CTNNA3: variants seen among roughly 807,000 people sequenced by gnomAD.
The protein encoded by CTNNA3 is catenin alpha-3.
Under a neutral mutation model 95.7 loss-of-function variants are expected in CTNNA3, and 76 were observed. The observed-to-expected ratio is 0.79, with a 90% CI of 0.66 to 0.96. The LOEUF (loss-of-function observed/expected upper bound fraction) is 0.96. CTNNA3 is among the 40% of genes least tolerant of loss of function. The pLI is 0.00. For missense variants in CTNNA3, 1,191 were observed against 1,089.8 expected (o/e 1.09, Z -1.31); for synonymous variants, 431 against 374.4 (o/e 1.15, Z -1.74).
At chr10:67,375,904 T>C (rs1292053417) in intron 5 of CTNNA3, among the ~76,000 whole-genome samples, 1 of 152,094 alleles carries the variant, frequency 6.6e-6, no homozygotes, top group Non-Finnish European at 1.5e-5. Context: ...GTGGGACCTT[T>C]TGGGAGGTGA....
chr10:67,589,113 A>C (rs1047772489), intron 3 of CTNNA3, among the ~76,000 whole-genome samples: 9 of 152,144 alleles, frequency 5.9e-5, no homozygotes, highest in Non-Finnish European at 2.9e-5. Flanking sequence ...TATACAGATA[A>C]TACTTATCTG....
At chr10:66,228,502 T>G (rs2089433497) in intron 13 of CTNNA3, among the ~76,000 whole-genome samples, 1 of 152,094 alleles carries the variant, frequency 6.6e-6, no homozygotes, top group African/African-American at 2.4e-5. Flanking sequence ...ATTTCTATGT[T>G]TATTTCATTG....
intron 5 of CTNNA3, among the ~76,000 whole-genome samples, chr10:67,428,818 T>A (rs919459303): frequency 6.6e-6 from 1 of 151,968 alleles, no homozygotes; most frequent in South Asian, 2.1e-4. Flanking sequence ...CCAGCCTACA[T>A]ATTTCTCCCT....
intron 5 of CTNNA3, among the ~76,000 whole-genome samples, chr10:67,392,449 C>A (rs2132774873): frequency 6.6e-6 from 1 of 152,332 alleles, no homozygotes; most frequent in East Asian, 1.9e-4. Context: ...CACTTTTACA[C>A]TGTTGGTGGG....
rs529677700 is a variant in CTNNA3, at chr10:66,407,199, C to T, written c.1532-27847G>A. ...CTTGTAGGGAATTTAAACAACTGTGCTTAAAAGAAAAAAAAAAAAACAGGA... is the reference window on the plus strand; with the variant it reads ...CTTGTAGGGAATTTAAACAACTGTGTTTAAAAGAAAAAAAAAAAAACAGGA... On this transcript the variant is annotated intron_variant, in intron 11 of 17. Transcript: ENST00000433211. 2.4e-5 allele frequency among the ~76,000 whole-genome samples: 3 copies of T among 126,494 alleles called. No homozygotes were observed. In the South Asian group the frequency reaches 8.0e-4, roughly 34 times the overall value. 83.0% of individuals were successfully genotyped at this position (126,494 alleles called of 152,430 possible).
chr10:66,855,707 A>G (rs551742766), intron 7 of CTNNA3, among the ~76,000 whole-genome samples: 2 of 152,150 alleles, frequency 1.3e-5, no homozygotes, highest in Non-Finnish European at 2.9e-5. Flanking sequence ...TAAAATATTT[A>G]TATTTTGATC....
At position 67,340,668 on chromosome 10, in the gene CTNNA3, G is replaced by A. The variant is rs145224347; in HGVS notation, c.580-120798C>T. On this transcript the variant is annotated intron_variant, in intron 5 of 17. Transcript: ENST00000433211. Reference sequence around the variant, plus strand: ...TCTTCCTTTTAACTATGGCACAACCGTTCAGATTCACCTGCTACTGCTGTT... The same window carrying A: ...TCTTCCTTTTAACTATGGCACAACCATTCAGATTCACCTGCTACTGCTGTT... Among the ~76,000 whole-genome samples, 242 of 152,246 alleles carry A rather than the reference G, an allele frequency of 1.6e-3. 1 individual carries two copies. Among genetic ancestry groups the A allele is most frequent in the African/African-American group, 5.0e-3 (209 of 41,530 alleles).
Position 66,833,878 on chromosome 10 carries a change from C to A in CTNNA3, c.1048-58354G>T, listed in dbSNP as rs150894053. On this transcript the variant is annotated intron_variant, in intron 7 of 17. Coordinates refer to ENST00000433211, the MANE Select transcript of CTNNA3 (RefSeq NM_013266.4). ...TATTGTAAACACACACACACACCAG[C>A]TTGCTATTTTTCTATTTTGAATACC... Among the ~76,000 whole-genome samples the A allele has an allele frequency of 4.7e-3, 711 of 152,302 alleles. 6 individuals carry two copies. Among genetic ancestry groups the A allele is most frequent in the African/African-American group, 0.016 (670 of 41,562 alleles).
intron 2 of CTNNA3, among the ~76,000 whole-genome samples, chr10:67,626,007 T>C (rs577172569): frequency 6.6e-6 from 1 of 152,044 alleles, no homozygotes; most frequent in Non-Finnish European, 1.5e-5. Context: ...ACAGATCCCT[T>C]CTCTACAAAA....
At chr10:66,047,624 AC>A (rs1477205964) in intron 15 of CTNNA3, among the ~76,000 whole-genome samples, 2 of 152,262 alleles carry the variant, frequency 1.3e-5, no homozygotes, top group African/African-American at 4.8e-5. Flanking sequence ...TGAAAGTCAT[AC>A]CCAGAGCTAT....
chr10:66,613,429 T>C (rs1339261438), intron 10 of CTNNA3, among the ~76,000 whole-genome samples: 1 of 152,062 alleles, frequency 6.6e-6, no homozygotes, highest in Non-Finnish European at 1.5e-5. Flanking sequence ...ATTTGTTGAA[T>C]GAAGAGTTCC....
At chr10:66,830,832 A>G (rs1422987102) in intron 7 of CTNNA3, among the ~76,000 whole-genome samples, 5 of 151,992 alleles carry the variant, frequency 3.3e-5, no homozygotes, top group East Asian at 1.9e-4. Flanking sequence ...GATGGTCTCT[A>G]TCTCCTGACC....
At chr10:66,632,276 G>C (rs1589043758) in intron 9 of CTNNA3, among the ~76,000 whole-genome samples, 1 of 151,980 alleles carries the variant, frequency 6.6e-6, no homozygotes, top group African/African-American at 2.4e-5. Context: ...GGAATGGGCT[G>C]GGTACGGTGG....
intron 1 of CTNNA3, chr10:67,750,552 G>A (rs1564846203): frequency 2.5e-6 from 4 of 1,578,576 alleles, no homozygotes; most frequent in South Asian, 2.2e-5. Flanking sequence ...CCCCTTGTGA[G>A]GAAAGCCTTT....
intron 13 of CTNNA3, among the ~76,000 whole-genome samples, chr10:66,252,599 T>C (rs886421257): frequency 6.6e-6 from 1 of 152,180 alleles, no homozygotes; most frequent in Admixed American, 6.5e-5. Flanking sequence ...TATGTGAATA[T>C]ATGGGAATAC....
chr10:67,547,525 TTCAGAGTACTACAGCTGTTAA>T (rs1840882605), intron 3 of CTNNA3, among the ~76,000 whole-genome samples: 1 of 152,208 alleles, frequency 6.6e-6, no homozygotes, highest in African/African-American at 2.4e-5. Context: ...TATCACCCCA[TTCAGAGTACTACAGCTGTTAA>T]TCAGTAAGGT....
At chr10:66,190,552 A>G (rs2086613634) in intron 13 of CTNNA3, among the ~76,000 whole-genome samples, 1 of 152,166 alleles carries the variant, frequency 6.6e-6, no homozygotes, top group Admixed American at 6.6e-5. Flanking sequence ...TACTCAGTTA[A>G]TGTCTCCTGG....
intron 9 of CTNNA3, among the ~76,000 whole-genome samples, chr10:66,659,667 G>A (rs1846191924): frequency 6.6e-6 from 1 of 152,106 alleles, no homozygotes; most frequent in Admixed American, 6.6e-5. Flanking sequence ...CTCATGAATG[G>A]GATTAGTGGC....
In CTNNA3 at chr10:66,868,364, G is replaced by A. The variant is rs532279210; in HGVS notation, c.1048-92840C>T. On this transcript the variant is annotated intron_variant, in intron 7 of 17. Coordinates refer to ENST00000433211, the MANE Select transcript of CTNNA3 (RefSeq NM_013266.4). ...TGTGCAACAAGAGCAAAACTCTGTC[G>A]CAAAAATTAAAAAAAAAATAAAAAA... Among the ~76,000 whole-genome samples, 111 of 145,772 alleles carry A rather than the reference G, an allele frequency of 7.6e-4. 1 individual carries two copies. The highest frequency in any genetic ancestry group is 2.4e-3 in the African/African-American group (90 of 37,922).
Sources: gnomAD v4.1 joint callset for allele counts (sites outside exome capture counted in the v4.1 genomes callset) on GRCh38, gnomAD v4.1.1 for gene constraint, MANE v1.5 for transcripts, NCBI Gene and HGNC (gene_info 2026-07-23, HGNC 2026-07-21) for gene names.